Variants in DOK6 observed in about 807,000 individuals in gnomAD.
The protein encoded by DOK6 is docking protein 6, also known as downstream of tyrosine kinase 6.
DOK6 carries 22 observed loss-of-function variants against 44.0 expected under a neutral mutation model. That is an observed-to-expected ratio of 0.50 (90% CI 0.36 to 0.71). The LOEUF (loss-of-function observed/expected upper bound fraction) is 0.71, where lower values mean the gene tolerates loss of function less well. Ranked by LOEUF, DOK6 falls within the 30% of genes least tolerant of loss-of-function variation. The probability of loss-of-function intolerance (pLI) is 0.00; values close to 1 mark genes in which losing one functional copy is unlikely to be tolerated. For missense variants in DOK6, 340 were observed against 416.4 expected (o/e 0.82, Z 1.60); for synonymous variants, 166 against 145.5 (o/e 1.14, Z -1.01).
intron 3 of DOK6, among the ~76,000 whole-genome samples, chr18:69,612,999 A>T (rs7228357): frequency 0.84 from 127,444 of 151,694 alleles, 54,275 homozygotes; most frequent in Non-Finnish European, 0.93. Flanking sequence ...CTCCCACCTG[A>T]AGCTGGGACT....
intron 4 of DOK6, among the ~76,000 whole-genome samples, chr18:69,683,008 CCT>C (rs1291426824): frequency 6.6e-6 from 1 of 152,154 alleles, no homozygotes; most frequent in Non-Finnish European, 1.5e-5. Flanking sequence ...TAACAATAGG[CCT>C]CTCTCTGTTT....
At chr18:69,544,495 C>T (rs148796425) in intron 1 of DOK6, among the ~76,000 whole-genome samples, 1 of 151,604 alleles carries the variant, frequency 6.6e-6, no homozygotes, top group East Asian at 1.9e-4. Flanking sequence ...AATGAAAACA[C>T]TCAACAAATG....
At chr18:69,563,663 A>T (rs1206515671) in intron 1 of DOK6, among the ~76,000 whole-genome samples, 1 of 108,110 alleles carries the variant, frequency 9.2e-6, no homozygotes, top group African/African-American at 3.5e-5. Flanking sequence ...GGGTGGGGGG[A>T]GGGGGGAAGG....
At chr18:69,798,847 A>G (rs1054502460) in intron 7 of DOK6, among the ~76,000 whole-genome samples, 12 of 151,954 alleles carry the variant, frequency 7.9e-5, no homozygotes, top group African/African-American at 2.9e-4. Context: ...TTTAGCTTCA[A>G]CTTATTCCTA....
chr18:69,428,187 G>A (rs915970504), intron 1 of DOK6, among the ~76,000 whole-genome samples: 3 of 151,620 alleles, frequency 2.0e-5, no homozygotes, highest in African/African-American at 7.3e-5. Flanking sequence ...TAGAGAATAT[G>A]GTTTTTATAT....
intron 7 of DOK6, among the ~76,000 whole-genome samples, chr18:69,829,437 A>G (rs1476498478): frequency 2.0e-5 from 3 of 152,210 alleles, no homozygotes; most frequent in Admixed American, 6.5e-5. Flanking sequence ...TTGCCATTGT[A>G]CAGCTGAGGA....
chr18:69,667,837 C>T (rs1259057260), intron 3 of DOK6, among the ~76,000 whole-genome samples: 1 of 152,040 alleles, frequency 6.6e-6, no homozygotes, highest in Non-Finnish European at 1.5e-5. Flanking sequence ...CATTTAGTTC[C>T]GTGACTTTAA....
chr18:69,541,492 G>A (rs1408154275), intron 1 of DOK6, among the ~76,000 whole-genome samples: 2 of 151,480 alleles, frequency 1.3e-5, no homozygotes, highest in Non-Finnish European at 3.0e-5. Flanking sequence ...TTTTATTGGA[G>A]ATAGGTATGA....
In DOK6 at chr18:69,508,354, C is replaced by T. The variant is rs150857367; in HGVS notation, c.67-56133C>T. On this transcript the variant is annotated intron_variant, in intron 1 of 7. Transcript: ENST00000382713. ...TGTGATGTCTTTTCTCTAACCTCAG[C>T]AACTGCTATCCTCAAGGAATTACTT... 5.3e-3 allele frequency among the ~76,000 whole-genome samples: 811 copies of T among 152,258 alleles called. 7 individuals are homozygous for T. The highest frequency in any genetic ancestry group is 0.018 in the African/African-American group (744 of 41,554).
chr18:69,523,553 G>A (rs928539768), intron 1 of DOK6, among the ~76,000 whole-genome samples: 1 of 151,760 alleles, frequency 6.6e-6, no homozygotes, highest in Admixed American at 6.6e-5. Context: ...TTATCCATTT[G>A]TTTTCTTTTT....
At chr18:69,738,908 C>G in intron 5 of DOK6, 57 bp from the exon 6 acceptor site, 1 of 1,590,516 alleles carries the variant, frequency 6.3e-7, no homozygotes, top group Non-Finnish European at 8.6e-7. Flanking sequence ...ACGTGGAAAA[C>G]TGTTATGCAC....
At chr18:69,465,226 T>C (rs1979890925) in intron 1 of DOK6, among the ~76,000 whole-genome samples, 1 of 152,170 alleles carries the variant, frequency 6.6e-6, no homozygotes, top group South Asian at 2.1e-4. Flanking sequence ...CAGATATGGA[T>C]AAATTTGTAT....
At chr18:69,669,212 A>G (rs1237925431) in intron 3 of DOK6, among the ~76,000 whole-genome samples, 1 of 152,200 alleles carries the variant, frequency 6.6e-6, no homozygotes, top group Non-Finnish European at 1.5e-5. Flanking sequence ...GAAAATGAGC[A>G]AAGTACCCGA....
At chr18:69,679,945 C>A (rs1224832968) in intron 4 of DOK6, among the ~76,000 whole-genome samples, 1 of 152,026 alleles carries the variant, frequency 6.6e-6, no homozygotes, top group Non-Finnish European at 1.5e-5. Context: ...AACACATACA[C>A]ACACACACAC....
chr18:69,573,593 G>A (rs780968286), intron 2 of DOK6, among the ~76,000 whole-genome samples: 1 of 151,682 alleles, frequency 6.6e-6, no homozygotes, highest in Non-Finnish European at 1.5e-5. Flanking sequence ...TCCTGATATG[G>A]AAAAATAACA....
chr18:69,597,599 A>G (rs11661156), intron 2 of DOK6, among the ~76,000 whole-genome samples: 52,311 of 152,128 alleles, frequency 0.34, 11,013 homozygotes, highest in Non-Finnish European at 0.47. Context: ...TTAAAAGTGT[A>G]GTCAACAAGA....
At chr18:69,716,156 T>A (rs1170710458) in intron 5 of DOK6, among the ~76,000 whole-genome samples, 1 of 152,210 alleles carries the variant, frequency 6.6e-6, no homozygotes, top group South Asian at 2.1e-4. Flanking sequence ...ACATATCTCC[T>A]ATGGAGGTCA....
intron 3 of DOK6, among the ~76,000 whole-genome samples, chr18:69,614,771 T>G (rs1249152585): frequency 6.6e-6 from 1 of 151,808 alleles, no homozygotes; most frequent in African/African-American, 2.4e-5. Context: ...TTACTATTCA[T>G]TAACATTATA....
At chr18:69,814,647 A>G (rs1418818982) in intron 7 of DOK6, among the ~76,000 whole-genome samples, 3 of 152,168 alleles carry the variant, frequency 2.0e-5, no homozygotes, top group African/African-American at 2.4e-5. Context: ...GAAATTTACA[A>G]TCATGGTGGA....
Sources: allele counts gnomAD v4.1 joint callset (sites outside exome capture counted in the v4.1 genomes callset), GRCh38; gene constraint gnomAD v4.1.1; transcripts MANE v1.5; gene names NCBI Gene and HGNC (gene_info 2026-07-23, HGNC 2026-07-21).